SPRED2: variants seen among roughly 807,000 people sequenced by gnomAD.
The protein encoded by SPRED2 is sprouty-related, EVH1 domain-containing protein 2.
In SPRED2, 47 loss-of-function variants were observed where a neutral mutation model predicts 43.0. The observed-to-expected ratio is 1.09, with a 90% confidence interval of 0.87 to 1.40. SPRED2 has a LOEUF of 1.40. Among genes scored for constraint, SPRED2 ranks in the 40% most tolerant of loss-of-function variants. The pLI, the probability that SPRED2 is intolerant of heterozygous loss-of-function variation, is 0.00. For missense variants in SPRED2, 561 were observed against 586.4 expected (o/e 0.96, Z 0.45); for synonymous variants, 225 against 225.7 (o/e 1.00, Z 0.03).
chr2:65,314,700 CTG>C (rs1398780385), intron 5 of SPRED2, among the ~76,000 whole-genome samples: 1 of 152,224 alleles, frequency 6.6e-6, no homozygotes, highest in East Asian at 1.9e-4. Flanking sequence ...AATAAGGACA[CTG>C]GAGTGCAATA....
intron 1 of SPRED2, among the ~76,000 whole-genome samples, chr2:65,380,951 C>T (rs1387455023): frequency 6.6e-6 from 1 of 152,156 alleles, no homozygotes; most frequent in Non-Finnish European, 1.5e-5. Context: ...ATGCCAAGTA[C>T]ACTTTGCCTT....
intron 1 of SPRED2, among the ~76,000 whole-genome samples, chr2:65,386,980 C>T (rs1273791027): frequency 1.4e-5 from 2 of 144,672 alleles, no homozygotes; most frequent in African/African-American, 5.1e-5. Flanking sequence ...TGGCTAAGAG[C>T]TTTTTTTTTT....
intron 4 of SPRED2, among the ~76,000 whole-genome samples, chr2:65,326,062 G>C (rs1192180796): frequency 6.6e-6 from 1 of 151,776 alleles, no homozygotes; most frequent in African/African-American, 2.4e-5. Context: ...CTGCTATTTT[G>C]AATTTTTAAA....
At chr2:65,309,264 G>A (rs952542727), downstream of SPRED2, among the ~76,000 whole-genome samples, 1 of 151,962 alleles carries the variant, frequency 6.6e-6, no homozygotes, top group Non-Finnish European at 1.5e-5. Flanking sequence ...CACTTTGGGA[G>A]GCTGAGGTGG....
At position 65,311,225 on chromosome 2, in the gene SPRED2, A is replaced by C. The variant is rs1673059546; in HGVS notation, c.*2276T>G. 1 of 985,762 alleles carries C rather than the reference A, an allele frequency of 1.0e-6. No homozygotes were observed. Among genetic ancestry groups the C allele is most frequent in the Non-Finnish European group, 1.2e-6 (1 of 829,940 alleles). The allele number at this position is 985,762 out of a possible 1,614,324, so 61.1% of individuals were successfully genotyped here. ...GTATGGCAAAGCTGACTGGGAAAAT[A>C]CTACACACTGTTCAGCTGCAGTGTG... On this transcript the variant is annotated 3_prime_UTR_variant, in exon 6 of 6. Transcript: ENST00000356388.
intron 1 of SPRED2, among the ~76,000 whole-genome samples, chr2:65,411,526 T>C (rs1163888395): frequency 6.6e-6 from 1 of 152,156 alleles, no homozygotes; most frequent in Non-Finnish European, 1.5e-5. Context: ...TGAAGGGACT[T>C]GTGAAATTAA....
intron 1 of SPRED2, among the ~76,000 whole-genome samples, chr2:65,347,191 C>A (rs1674375631): frequency 6.6e-6 from 1 of 152,012 alleles, no homozygotes; most frequent in Non-Finnish European, 1.5e-5. Flanking sequence ...TTGCCCTCCC[C>A]CAAACCCCAT....
At chr2:65,419,490 G>A (rs562233971) in intron 1 of SPRED2, among the ~76,000 whole-genome samples, 1 of 152,132 alleles carries the variant, frequency 6.6e-6, no homozygotes, top group Non-Finnish European at 1.5e-5. Context: ...TCCAGAATGC[G>A]GTTCATAACA....
chr2:65,395,752 C>T (rs1450073651), intron 1 of SPRED2, among the ~76,000 whole-genome samples: 2 of 152,188 alleles, frequency 1.3e-5, no homozygotes, highest in Non-Finnish European at 2.9e-5. Context: ...GTGTCCAGCA[C>T]ACAGTAATGA....
intron 1 of SPRED2, among the ~76,000 whole-genome samples, chr2:65,362,920 A>G (rs1674860272): frequency 6.6e-6 from 1 of 150,892 alleles, no homozygotes; most frequent in South Asian, 2.1e-4. Context: ...TCATGCCTGT[A>G]AACCCAGCAC....
At chr2:65,349,382 T>C (rs1286201105) in intron 1 of SPRED2, among the ~76,000 whole-genome samples, 3 of 149,970 alleles carry the variant, frequency 2.0e-5, no homozygotes, top group African/African-American at 7.4e-5. Flanking sequence ...TTGGAGAATA[T>C]CCTTTCCCCC....
intron 1 of SPRED2, among the ~76,000 whole-genome samples, chr2:65,420,142 G>A (rs564621147): frequency 3.2e-4 from 49 of 150,914 alleles, no homozygotes; most frequent in Admixed American, 8.6e-4. Context: ...CCCAGGAGGC[G>A]GCAGTTGCAG....
At chr2:65,328,069 T>C (rs1673699503) in intron 4 of SPRED2, among the ~76,000 whole-genome samples, 1 of 152,160 alleles carries the variant, frequency 6.6e-6, no homozygotes, top group Non-Finnish European at 1.5e-5. Context: ...CTAAACTTTG[T>C]AGAAGTAATT....
chr2:65,359,828 G>A (rs916015121), intron 1 of SPRED2, among the ~76,000 whole-genome samples: 1 of 152,060 alleles, frequency 6.6e-6, no homozygotes, highest in African/African-American at 2.4e-5. Flanking sequence ...ACTTTGGGAG[G>A]CCAAGGAGGG....
chr2:65,341,104 C>CGTGTGTGTGT (rs60332643), intron 2 of SPRED2, among the ~76,000 whole-genome samples: 96 of 137,172 alleles, frequency 7.0e-4, no homozygotes, highest in African/African-American at 1.7e-3. Context: ...TGGGTACGGG[C>CGTGTGTGTGT]GTGTGTGTGT....
At chr2:65,406,595 G>C (rs1676028959) in intron 1 of SPRED2, among the ~76,000 whole-genome samples, 1 of 152,210 alleles carries the variant, frequency 6.6e-6, no homozygotes, top group South Asian at 2.1e-4. Context: ...TCCACCTCTG[G>C]GGGAGGTTTT....
chr2:65,412,948 A>G (rs1676195331), intron 1 of SPRED2, among the ~76,000 whole-genome samples: 1 of 152,108 alleles, frequency 6.6e-6, no homozygotes, highest in Non-Finnish European at 1.5e-5. Flanking sequence ...CTGACCTATT[A>G]TGGTTACAAT....
At chr2:65,387,864 T>C (rs1675537202) in intron 1 of SPRED2, among the ~76,000 whole-genome samples, 1 of 151,736 alleles carries the variant, frequency 6.6e-6, no homozygotes, top group Admixed American at 6.6e-5. Context: ...ATGATCTCAG[T>C]TCACTGCATT....
chr2:65,322,292 A>T (rs1294800935), intron 4 of SPRED2, among the ~76,000 whole-genome samples: 7,168 of 70,430 alleles, frequency 0.1, 497 homozygotes, highest in Non-Finnish European at 0.12. Context: ...ATATATATAT[A>T]TATTTTTTTT....
Sources: allele counts gnomAD v4.1 joint callset (sites outside exome capture counted in the v4.1 genomes callset), GRCh38; gene constraint gnomAD v4.1.1; transcripts MANE v1.5; gene names NCBI Gene and HGNC (gene_info 2026-07-23, HGNC 2026-07-21).